The following ZNF225 variants were observed in gnomAD, a reference collection of about 807,000 sequenced individuals.
ZNF225 encodes the protein zinc finger protein 225.
A neutral mutation model predicts 12.0 loss-of-function variants in ZNF225; 6 were observed. The ratio of observed to expected loss-of-function variants is 0.50; its 90% CI spans 0.27 to 0.98. The LOEUF is 0.98. ZNF225 is among the 50% of genes least tolerant of loss of function. The pLI, the probability that ZNF225 is intolerant of heterozygous loss-of-function variation, is 0.11. For missense variants in ZNF225, 763 were observed against 848.2 expected, an observed-to-expected ratio of 0.90 and a Z score of 1.25; for synonymous variants, 271 against 283.2, an observed-to-expected ratio of 0.96 and a Z score of 0.43.
At chr19:44,122,511 A>G (rs1199243925) in intron 4 of ZNF225, among the ~76,000 whole-genome samples, 1 of 151,298 alleles carries the variant, frequency 6.6e-6, no homozygotes, top group Non-Finnish European at 1.5e-5. Context: ...GAATTTTAGC[A>G]TTTTTTTTCT....
At position 44,132,755 on chromosome 19, in the gene ZNF225, G is replaced by T. The variant is rs748690104; in HGVS notation, c.*20G>T. On this transcript the variant is annotated 3_prime_UTR_variant, in exon 5 of 5. Coordinates refer to ENST00000262894, the MANE Select transcript of ZNF225 (RefSeq NM_013362.4). ...ACATAACTGTTGTACTCATTTATGG[G>T]GTACAGTGTGATAGTTAATGCAAGT... 2.0e-6 allele frequency: 3 copies of T among 1,510,596 alleles called. No individual in the cohort carries two copies. In the East Asian group the frequency reaches 7.0e-5, roughly 35 times the overall value. The allele number at this position is 1,510,596 out of a possible 1,614,324, so 93.6% of individuals were successfully genotyped here. A position where few individuals can be genotyped will look rare whatever the true frequency, so the allele number is the denominator to read the frequency against.
At chr19:44,126,688 C>T (rs1968153357) in intron 4 of ZNF225, among the ~76,000 whole-genome samples, 1 of 152,062 alleles carries the variant, frequency 6.6e-6, no homozygotes, top group Non-Finnish European at 1.5e-5. Context: ...TGTCTGAGCT[C>T]AGACTCTCCT....
At position 44,132,158 on chromosome 19, in the gene ZNF225, AAG is replaced by A. The variant is rs752740766; in HGVS notation, c.1547_1548del (p.Glu516ValfsTer27). 3.1e-6 allele frequency: 5 copies of A among 1,614,152 alleles called. No individual in the cohort carries two copies. The South Asian group carries it at 5.5e-5, about 18-fold the overall frequency. On this transcript the variant is annotated frameshift_variant, in exon 5 of 5. Transcript: ENST00000262894. LOFTEE classifies it low-confidence loss of function (END_TRUNC). ...AGTGGAGAAAAACCATTCAAATGTG[AAG>A]AGTGTGGGAAAAGATTTACTCAGAA... is the stretch of plus-strand genomic sequence containing the variant.
chr19:44,114,107 C>T lies in ZNF225; in HGVS notation c.-69+538C>T, dbSNP rs187509080. ...AGAGGAGCATTTAACTTTTATGGGG[C>T]ACGGCGACCACGGTCAGAGTGTTTC... On this transcript the variant is annotated intron_variant, in intron 1 of 4. Transcript: ENST00000262894. 76 of 558,820 alleles carry T rather than the reference C, an allele frequency of 1.4e-4. No individual in the cohort carries two copies. The Admixed American group carries it at 1.8e-3, about 13-fold the overall frequency. The allele number at this position is 558,820 out of a possible 1,614,324, so 34.6% of individuals were successfully genotyped here.
chr19:44,131,027 T>C lies in ZNF225; in HGVS notation c.413T>C (p.Leu138Pro). 1 of 1,614,064 alleles carries C rather than the reference T, an allele frequency of 6.2e-7. No individual in the cohort carries two copies. The highest frequency in any genetic ancestry group is 8.5e-7 in the Non-Finnish European group (1 of 1,179,924). The change falls in exon 5 of 5, where the codon CTA (leucine) becomes CCA (proline). Residue 138 changes from leucine to proline, a missense_variant. By Grantham distance (98) the Leu-to-Pro change is moderately conservative. Transcript: ENST00000262894. ...DDMPCQVDAG[L>P]SIIHVRQKPS... Reference sequence around the variant, plus strand: ...ATGCCCTGCCAGGTTGATGCAGGACTATCTATAATTCACGTAAGACAGAAA... The same window carrying C: ...ATGCCCTGCCAGGTTGATGCAGGACCATCTATAATTCACGTAAGACAGAAA...
intron 4 of ZNF225, among the ~76,000 whole-genome samples, chr19:44,119,970 C>T (rs1032200677): frequency 1.3e-5 from 2 of 152,140 alleles, no homozygotes; most frequent in African/African-American, 2.4e-5. Flanking sequence ...TGTAATCCCA[C>T]TACTTTCGGA....
At chr19:44,127,387 G>A (rs988307963) in intron 4 of ZNF225, among the ~76,000 whole-genome samples, 10 of 152,316 alleles carry the variant, frequency 6.6e-5, no homozygotes, top group African/African-American at 2.4e-4. Context: ...AGTATTTGGG[G>A]TGTCTCCAGG....
intron 2 of ZNF225, among the ~76,000 whole-genome samples, chr19:44,116,868 C>T (rs957602178): frequency 5.3e-5 from 8 of 152,012 alleles, no homozygotes; most frequent in Non-Finnish European, 1.2e-4. Context: ...AAAATTGAGA[C>T]CTGATATTAT....
chr19:44,116,119 C>T (rs1967937818), intron 2 of ZNF225, among the ~76,000 whole-genome samples: 1 of 152,176 alleles, frequency 6.6e-6, no homozygotes, highest in Non-Finnish European at 1.5e-5. Context: ...GCCTTAGCCT[C>T]CCAAAGTGCT....
At chr19:44,127,082 A>G (rs77278738) in intron 4 of ZNF225, among the ~76,000 whole-genome samples, 353 of 152,322 alleles carry the variant, frequency 2.3e-3, no homozygotes, top group South Asian at 3.5e-3. Context: ...AAACTGTTAT[A>G]AAGTTCAGCT....
intron 4 of ZNF225, among the ~76,000 whole-genome samples, chr19:44,124,861 A>G (rs981028092): frequency 6.6e-6 from 1 of 152,168 alleles, no homozygotes; most frequent in East Asian, 1.9e-4. Context: ...GTCCATTTGC[A>G]TAAAATGCCT....
chr19:44,117,794 G>C (rs1383335355), intron 2 of ZNF225, among the ~76,000 whole-genome samples: 2 of 152,138 alleles, frequency 1.3e-5, no homozygotes, highest in African/African-American at 4.8e-5. Flanking sequence ...CGAGGCAGGC[G>C]GATCACCTGA....
rs1273379656 is a variant in ZNF225, at chr19:44,133,333, A to G, written c.*598A>G. The G allele has an allele frequency of 1.3e-5, 2 of 152,276 alleles. No homozygotes were observed. The highest frequency in any genetic ancestry group is 4.8e-5 in the African/African-American group (2 of 41,432). The allele number at this position is 152,276 out of a possible 1,614,324, so 9.4% of individuals were successfully genotyped here. On this transcript the variant is annotated 3_prime_UTR_variant, in exon 5 of 5. Transcript: ENST00000262894. ...CATGGGGGGGTGGAGATAACACTTT[A>G]ACATACTGATTTCCTTTTCTTTGGA...
At chr19:44,111,737 A>T (rs2147544214), upstream of ZNF225, among the ~76,000 whole-genome samples, 1 of 152,338 alleles carries the variant, frequency 6.6e-6, no homozygotes, top group Admixed American at 6.5e-5. Flanking sequence ...TAGGTAATAG[A>T]AAAGAGAGAA....
intron 4 of ZNF225, among the ~76,000 whole-genome samples, chr19:44,120,401 G>A (rs1290067524): frequency 6.6e-6 from 1 of 152,114 alleles, no homozygotes; most frequent in Non-Finnish European, 1.5e-5. Flanking sequence ...GTACATGGCA[G>A]GTATCTAATT....
At chr19:44,118,722 C>A in intron 4 of ZNF225, 148 bp downstream of exon 4, 1 of 747,918 alleles carries the variant, frequency 1.3e-6, no homozygotes, top group Non-Finnish European at 2.1e-6. Flanking sequence ...TCCCTGCTCC[C>A]ACTTTTCCCA....
chr19:44,116,061 C>T (rs1438123426), intron 2 of ZNF225, among the ~76,000 whole-genome samples: 1 of 152,154 alleles, frequency 6.6e-6, no homozygotes, highest in African/African-American at 2.4e-5. Context: ...GGGGTTTCAT[C>T]ATCTTGGCCA....
intron 4 of ZNF225, among the ~76,000 whole-genome samples, chr19:44,121,197 T>G (rs1440062428): frequency 6.6e-6 from 1 of 152,206 alleles, no homozygotes; most frequent in Non-Finnish European, 1.5e-5. Context: ...TTCTTATGCC[T>G]TTGCATCCTC....
In ZNF225 at chr19:44,132,741, G is replaced by T. The variant is rs192600284; in HGVS notation, c.*6G>T. 6.4e-7 allele frequency: 1 copy of T among 1,567,024 alleles called. No individual in the cohort carries two copies. Among genetic ancestry groups the T allele is most frequent in the Non-Finnish European group, 8.6e-7 (1 of 1,157,276 alleles). On this transcript the variant is annotated 3_prime_UTR_variant, in exon 5 of 5. Transcript: ENST00000262894. ...TATTTTTAAATGACACATAACTGTT[G>T]TACTCATTTATGGGGTACAGTGTGA...
Sources: allele counts gnomAD v4.1 joint callset (sites outside exome capture counted in the v4.1 genomes callset), GRCh38; gene constraint gnomAD v4.1.1; transcripts MANE v1.5; gene names NCBI Gene and HGNC (gene_info 2026-07-23, HGNC 2026-07-21).